BCAT1: variants seen among roughly 807,000 people sequenced by gnomAD.
The protein encoded by BCAT1 is branched chain amino acid transaminase 1.
Under a neutral mutation model 52.4 loss-of-function variants are expected in BCAT1, and 48 were observed. The ratio of observed to expected loss-of-function variants is 0.92; its 90% CI spans 0.73 to 1.16. The LOEUF (loss-of-function observed/expected upper bound fraction) is 1.16. Ranked by LOEUF, BCAT1 falls within the 50% of genes most tolerant of loss-of-function variation. BCAT1 has a pLI of 0.00. For synonymous variants in BCAT1, 167 were observed against 161.3 expected, an observed-to-expected ratio of 1.04 and a Z score of -0.27; for missense variants, 451 against 457.1, an observed-to-expected ratio of 0.99 and a Z score of 0.12.
At chr12:24,944,300 T>C (rs1248219563) in intron 1 of BCAT1, among the ~76,000 whole-genome samples, 1 of 152,228 alleles carries the variant, frequency 6.6e-6, no homozygotes. Context: ...TATAACTTGG[T>C]ATCTAAATCA....
intron 5 of BCAT1, among the ~76,000 whole-genome samples, chr12:24,858,152 A>C (rs1941746009): frequency 6.6e-6 from 1 of 152,228 alleles, no homozygotes; most frequent in Non-Finnish European, 1.5e-5. Flanking sequence ...CTCCACCCTG[A>C]AGCCAGTAAT....
At chr12:24,883,652 C>T (rs1942569891) in intron 3 of BCAT1, among the ~76,000 whole-genome samples, 1 of 152,184 alleles carries the variant, frequency 6.6e-6, no homozygotes, top group South Asian at 2.1e-4. Context: ...AGCAATCCCA[C>T]TTCTGGGTAT....
chr12:24,825,318 C>G (rs1488332363), intron 10 of BCAT1, among the ~76,000 whole-genome samples: 1 of 152,070 alleles, frequency 6.6e-6, no homozygotes, highest in African/African-American at 2.4e-5. Context: ...GGTAGAATTG[C>G]TGGATCACAC....
intron 6 of BCAT1, among the ~76,000 whole-genome samples, chr12:24,845,261 G>GT (rs1941311019): frequency 6.7e-6 from 1 of 150,014 alleles, no homozygotes; most frequent in South Asian, 2.1e-4. Context: ...TAAAACATAT[G>GT]CTTCTAAATA....
At chr12:24,864,617 A>G (rs1337998535) in intron 5 of BCAT1, among the ~76,000 whole-genome samples, 2 of 152,156 alleles carry the variant, frequency 1.3e-5, no homozygotes, top group African/African-American at 4.8e-5. Flanking sequence ...CCTTCTGGCT[A>G]ATTACTATTA....
chr12:24,929,601 C>T (rs1943648799), intron 1 of BCAT1, among the ~76,000 whole-genome samples: 1 of 152,132 alleles, frequency 6.6e-6, no homozygotes, highest in African/African-American at 2.4e-5. Flanking sequence ...ACAGGTAGAC[C>T]TTGTCACAGG....
chr12:24,860,478 C>A (rs751942039), intron 5 of BCAT1, among the ~76,000 whole-genome samples: 4 of 152,102 alleles, frequency 2.6e-5, no homozygotes, highest in African/African-American at 9.7e-5. Flanking sequence ...TTTCTTTCTA[C>A]CTGATTTCTC....
intron 1 of BCAT1, among the ~76,000 whole-genome samples, chr12:24,924,443 G>A (rs887315456): frequency 1.3e-5 from 2 of 152,094 alleles, no homozygotes; most frequent in Non-Finnish European, 2.9e-5. Context: ...AAATGGTGGC[G>A]ACCACCTTCA....
intron 5 of BCAT1, among the ~76,000 whole-genome samples, chr12:24,863,514 T>C (rs1264381862): frequency 2.0e-5 from 3 of 152,192 alleles, no homozygotes; most frequent in Non-Finnish European, 2.9e-5. Flanking sequence ...ATTTGGGAAA[T>C]ACAGGTTGGC....
intron 1 of BCAT1, among the ~76,000 whole-genome samples, chr12:24,910,044 G>A (rs373919717): frequency 6.6e-6 from 1 of 152,072 alleles, no homozygotes; most frequent in African/African-American, 2.4e-5. Flanking sequence ...CTGCTCAGCC[G>A]GGCCCAGGCA....
chr12:24,889,989 C>A (rs1439625624), intron 3 of BCAT1, among the ~76,000 whole-genome samples: 1 of 152,168 alleles, frequency 6.6e-6, no homozygotes, highest in African/African-American at 2.4e-5. Flanking sequence ...AAGGGTGGCA[C>A]ACCCCGGGAG....
intron 1 of BCAT1, among the ~76,000 whole-genome samples, chr12:24,913,495 A>AC (rs1163967068): frequency 9.2e-5 from 14 of 151,936 alleles, no homozygotes; most frequent in African/African-American, 3.1e-4. Context: ...TGAAACTGGA[A>AC]CCCCCCTTCC....
intron 5 of BCAT1, among the ~76,000 whole-genome samples, chr12:24,856,256 C>T (rs1236736259): frequency 6.6e-6 from 1 of 152,112 alleles, no homozygotes; most frequent in Non-Finnish European, 1.5e-5. Flanking sequence ...AGCCTTCACC[C>T]TCTACACACC....
chr12:24,810,374 CTG>C lies in BCAT1; in HGVS notation c.*7632_*7633del, dbSNP rs1199920562. On this transcript the variant is annotated 3_prime_UTR_variant, in exon 11 of 11. Coordinates refer to ENST00000261192, the MANE Select transcript of BCAT1 (RefSeq NM_005504.7). ...ATTTGAAAAATATGCTTAAATCACA[CTG>C]AATCAGCTTAGCAGAAAAATAATTA... 6.6e-6 allele frequency: 1 copy of C among 152,178 alleles called. No individual in the cohort carries two copies. Among genetic ancestry groups the C allele is most frequent in the Non-Finnish European group, 1.5e-5 (1 of 68,036 alleles). The allele number at this position is 152,178 out of a possible 1,614,324, so 9.4% of individuals were successfully genotyped here. A position where few individuals can be genotyped will look rare whatever the true frequency, so the allele number is the denominator to read the frequency against.
In BCAT1 at chr12:24,878,641, G is replaced by A; in HGVS notation, c.399C>T (p.Asp133=). ...SAVRATLPVF[D]KEELLECIQQ... ...GAATACACTCTAAGAGCTCTTCTTTGTCAAATACCTGAAAGAATGAAAAAC... is the reference window on the plus strand; with the variant it reads ...GAATACACTCTAAGAGCTCTTCTTTATCAAATACCTGAAAGAATGAAAAAC... The change falls in exon 5 of 11, where the codon GAC becomes GAT. Residue 133 remains aspartate (D), a synonymous_variant. Transcript: ENST00000261192. 2 of 1,599,306 alleles carry A rather than the reference G, an allele frequency of 1.3e-6. No homozygotes were observed. Among genetic ancestry groups the A allele is most frequent in the Non-Finnish European group, 1.7e-6 (2 of 1,173,612 alleles).
intron 1 of BCAT1, chr12:24,902,972 C>A (rs569306107): frequency 6.7e-7 from 1 of 1,497,096 alleles, no homozygotes; most frequent in Non-Finnish European, 8.9e-7. Context: ...CGCAGCGGAG[C>A]GAAGCGGGCT....
At chr12:24,835,631 A>G (rs955416766) in intron 8 of BCAT1, among the ~76,000 whole-genome samples, 7 of 151,580 alleles carry the variant, frequency 4.6e-5, no homozygotes, top group African/African-American at 1.7e-4. Flanking sequence ...CCCTGTATTC[A>G]GGCTGTAGTG....
rs752707561 is a variant in BCAT1, at chr12:24,894,481, G to T, written c.79-6C>A. 3 of 1,576,394 alleles carry T rather than the reference G, an allele frequency of 1.9e-6. No individual in the cohort carries two copies. Among genetic ancestry groups the T allele is most frequent in the South Asian group, 2.3e-5 (2 of 86,452 alleles). On this transcript the variant is annotated splice_region_variant and splice_polypyrimidine_tract_variant and intron_variant, in intron 2 of 10. Transcript: ENST00000261192. ...GTGACTATTAGGTCTTTAGCCTGGG[G>T]AAGAAAAATCATCACTATTTACAGA...
chr12:24,823,791 C>T (rs1052369162), intron 10 of BCAT1, among the ~76,000 whole-genome samples: 5 of 152,186 alleles, frequency 3.3e-5, no homozygotes, highest in Admixed American at 1.3e-4. Context: ...AGCCATGTCT[C>T]CTGTATGGCC....
Sources: gnomAD v4.1 joint callset for allele counts (sites outside exome capture counted in the v4.1 genomes callset) on GRCh38, gnomAD v4.1.1 for gene constraint, MANE v1.5 for transcripts, NCBI Gene and HGNC (gene_info 2026-07-23, HGNC 2026-07-21) for gene names.